The following PLPPR1 variants were observed in gnomAD, a reference collection of about 807,000 sequenced individuals.
The protein encoded by PLPPR1 is phospholipid phosphatase related 1, also known as phospholipid phosphatase-related protein type 1.
Under a neutral mutation model 33.1 loss-of-function variants are expected in PLPPR1, and 10 were observed. The observed-to-expected ratio is 0.30, with a 90% CI of 0.19 to 0.51. The LOEUF is 0.51. Among genes scored for constraint, PLPPR1 ranks in the 20% least tolerant of loss-of-function variants. The pLI is 0.97. For synonymous variants in PLPPR1, 151 were observed against 151.0 expected, an observed-to-expected ratio of 1.00 and a Z score of 0.00; for missense variants, 304 against 408.1, an observed-to-expected ratio of 0.74 and a Z score of 2.20.
Position 101,074,345 on chromosome 9 carries a change from T to C in PLPPR1, c.-46+45243T>C, listed in dbSNP as rs539031430. 1.8e-4 allele frequency among the ~76,000 whole-genome samples: 27 copies of C among 152,290 alleles called. No individual in the cohort carries two copies. In the South Asian group the frequency reaches 5.4e-3, roughly 30 times the overall value. On this transcript the variant is annotated intron_variant, in intron 1 of 7. Transcript: ENST00000374874. ...ATGGAATTTTGGCTCTCATAAATCA[T>C]TTAAACTCACCAATTTTTCCCTAAA... is the stretch of plus-strand genomic sequence containing the variant.
chr9:101,317,164 G>T (rs1295107837), intron 6 of PLPPR1, among the ~76,000 whole-genome samples: 2 of 152,186 alleles, frequency 1.3e-5, no homozygotes, highest in Non-Finnish European at 2.9e-5. Flanking sequence ...CAGACCCAAT[G>T]GGGTGGAGAG....
chr9:101,266,909 C>T (rs1036731893), intron 2 of PLPPR1, among the ~76,000 whole-genome samples: 5 of 152,142 alleles, frequency 3.3e-5, no homozygotes, highest in African/African-American at 1.2e-4. Flanking sequence ...CCATAAAATA[C>T]AATCCTCTTC....
At position 101,285,977 on chromosome 9, in the gene PLPPR1, C is replaced by T; in HGVS notation, c.253-127C>T. ...TAAATGCAAATTACGATCTAATTCA[C>T]CATCTCTCTCCAACATCTTTTAAAA... On this transcript the variant is annotated intron_variant, in intron 3 of 7. Transcript: ENST00000374874. 3 of 657,000 alleles carry T rather than the reference C, an allele frequency of 4.6e-6. No individual in the cohort carries two copies. In the South Asian group the frequency reaches 7.0e-5, roughly 15 times the overall value. 40.7% of individuals were successfully genotyped at this position (657,000 alleles called of 1,614,324 possible).
chr9:101,129,561 G>A (rs1328446425), intron 1 of PLPPR1, among the ~76,000 whole-genome samples: 1 of 152,226 alleles, frequency 6.6e-6, no homozygotes, highest in Non-Finnish European at 1.5e-5. Flanking sequence ...GCTGGGTGCA[G>A]TGTCTCACGC....
chr9:101,204,461 GA>G (rs1826552556), intron 2 of PLPPR1, among the ~76,000 whole-genome samples: 1 of 152,170 alleles, frequency 6.6e-6, no homozygotes, highest in African/African-American at 2.4e-5. Context: ...AGGCTTTGCT[GA>G]TGTTTAGGTG....
At chr9:101,231,357 C>T (rs1827181209) in intron 2 of PLPPR1, among the ~76,000 whole-genome samples, 4 of 113,184 alleles carry the variant, frequency 3.5e-5, no homozygotes, top group Admixed American at 3.4e-4. Context: ...TAAATGAGAT[C>T]GTTTGTTTTT....
chr9:101,237,935 T>C (rs1827346450), intron 2 of PLPPR1, among the ~76,000 whole-genome samples: 1 of 132,818 alleles, frequency 7.5e-6, no homozygotes, highest in Non-Finnish European at 1.6e-5. Context: ...CCTATATATA[T>C]ATATATGCTA....
intron 4 of PLPPR1, among the ~76,000 whole-genome samples, chr9:101,294,190 T>C (rs1208309257): frequency 6.6e-6 from 1 of 151,930 alleles, no homozygotes; most frequent in African/African-American, 2.4e-5. Context: ...GCAAATAAAC[T>C]AGAAAATCTA....
chr9:101,122,747 T>C (rs900522996), intron 1 of PLPPR1, among the ~76,000 whole-genome samples: 2 of 152,118 alleles, frequency 1.3e-5, no homozygotes, highest in Non-Finnish European at 2.9e-5. Flanking sequence ...CAGGACAAAC[T>C]CTGAATTAGA....
intron 1 of PLPPR1, among the ~76,000 whole-genome samples, chr9:101,142,004 C>T (rs1345765447): frequency 6.6e-6 from 1 of 152,184 alleles, no homozygotes; most frequent in Non-Finnish European, 1.5e-5. Context: ...TCTCCCTGTT[C>T]AGCCAATCTA....
chr9:101,176,233 A>G (rs1385426874), intron 1 of PLPPR1, among the ~76,000 whole-genome samples: 1 of 152,166 alleles, frequency 6.6e-6, no homozygotes, highest in Admixed American at 6.6e-5. Context: ...TACTAGAAAG[A>G]TTGAATTAAG....
At chr9:101,181,656 G>A (rs989507679) in intron 1 of PLPPR1, among the ~76,000 whole-genome samples, 1 of 145,504 alleles carries the variant, frequency 6.9e-6, no homozygotes, top group Non-Finnish European at 1.5e-5. Context: ...ATACATGTAT[G>A]TATGTATATG....
chr9:101,114,476 A>T (rs1480037901), intron 1 of PLPPR1, among the ~76,000 whole-genome samples: 1 of 152,208 alleles, frequency 6.6e-6, no homozygotes, highest in Non-Finnish European at 1.5e-5. Flanking sequence ...TGAGATCTTT[A>T]GATAAGGAAT....
intron 2 of PLPPR1, among the ~76,000 whole-genome samples, chr9:101,232,733 A>G (rs1003243134): frequency 5.3e-5 from 8 of 151,740 alleles, no homozygotes; most frequent in Admixed American, 3.3e-4. Flanking sequence ...CAGCATTTCA[A>G]CCCCATCACT....
rs2118978829 is a variant in PLPPR1 at position 101,324,896 on chromosome 9, T to C, written c.*839T>C. The C allele has an allele frequency of 6.5e-6, 1 of 152,726 alleles. No individual in the cohort carries two copies. The highest frequency in any genetic ancestry group is 2.1e-4 in the South Asian group (1 of 4,828). The allele number at this position is 152,726 out of a possible 1,614,324, so 9.5% of individuals were successfully genotyped here. A position where few individuals can be genotyped will look rare whatever the true frequency, so the allele number is the denominator to read the frequency against. On this transcript the variant is annotated 3_prime_UTR_variant, in exon 8 of 8. Transcript: ENST00000374874. Reference sequence around the variant, plus strand: ...ATTTTACAGAAAAGGAATCAGAGAATCTACAACATAGGGCCCCAGAACAAC... The same window carrying C: ...ATTTTACAGAAAAGGAATCAGAGAACCTACAACATAGGGCCCCAGAACAAC...
chr9:101,151,023 A>G (rs142365173), intron 1 of PLPPR1, among the ~76,000 whole-genome samples: 1 of 152,218 alleles, frequency 6.6e-6, no homozygotes, highest in East Asian at 1.9e-4. Context: ...ATTTAAATGA[A>G]TTTTTTCCTG....
At chr9:101,080,691 G>A (rs982800736) in intron 1 of PLPPR1, among the ~76,000 whole-genome samples, 2 of 152,020 alleles carry the variant, frequency 1.3e-5, no homozygotes, top group Admixed American at 6.6e-5. Context: ...GCCAACCTCC[G>A]GGAACTGAGA....
intron 1 of PLPPR1, among the ~76,000 whole-genome samples, chr9:101,183,424 T>A (rs1165200697): frequency 2.0e-5 from 3 of 151,766 alleles, no homozygotes; most frequent in African/African-American, 7.2e-5. Flanking sequence ...TATTATATTA[T>A]TCTATTCATT....
chr9:101,251,667 T>C (rs906180160), intron 2 of PLPPR1, among the ~76,000 whole-genome samples: 1 of 152,056 alleles, frequency 6.6e-6, no homozygotes, highest in Admixed American at 6.6e-5. Flanking sequence ...GATAGGGCCC[T>C]TGATACAAGC....
Sources: allele counts gnomAD v4.1 joint callset (sites outside exome capture counted in the v4.1 genomes callset), GRCh38; gene constraint gnomAD v4.1.1; transcripts MANE v1.5; gene names NCBI Gene and HGNC (gene_info 2026-07-23, HGNC 2026-07-21).